Variants in KCNMA1 observed in about 807,000 individuals in gnomAD.
The protein encoded by KCNMA1 is potassium calcium-activated channel subfamily M alpha 1, also known as Calcium-activated potassium channel subunit alpha-1.
In KCNMA1, 29 loss-of-function variants were observed where a neutral mutation model predicts 140.0. That is an observed-to-expected ratio of 0.21 (90% CI 0.15 to 0.28). KCNMA1 has a LOEUF of 0.28. Ranked by LOEUF, KCNMA1 falls within the 10% of genes least tolerant of loss-of-function variation. KCNMA1 has a pLI of 1.00. For synonymous variants in KCNMA1, 612 were observed against 611.9 expected, an observed-to-expected ratio of 1.00 and a Z score of 0.00; for missense variants, 880 against 1,602.2, an observed-to-expected ratio of 0.55 and a Z score of 7.70.
chr10:77,418,847 C>A (rs1330975119), intron 1 of KCNMA1, among the ~76,000 whole-genome samples: 1 of 152,178 alleles, frequency 6.6e-6, no homozygotes, highest in East Asian at 1.9e-4. Flanking sequence ...AAGGCACACA[C>A]CTTTCTTTTA....
chr10:77,562,465 A>G (rs2066711612), intron 1 of KCNMA1, among the ~76,000 whole-genome samples: 1 of 152,230 alleles, frequency 6.6e-6, no homozygotes, highest in Admixed American at 6.5e-5. Context: ...ATACCTTAAT[A>G]ATATTGAACT....
intron 1 of KCNMA1, among the ~76,000 whole-genome samples, chr10:77,406,292 A>C (rs2096469067): frequency 8.2e-6 from 1 of 122,064 alleles, no homozygotes; most frequent in Admixed American, 8.2e-5. Context: ...TCGGGGGAAA[A>C]TCCAGCTCTG....
intron 1 of KCNMA1, among the ~76,000 whole-genome samples, chr10:77,511,942 G>A (rs780865813): frequency 1.3e-5 from 2 of 152,230 alleles, no homozygotes; most frequent in Non-Finnish European, 2.9e-5. Flanking sequence ...AGATTTTAGA[G>A]AATGGAACTT....
chr10:76,969,881 G>C (rs998660106), intron 20 of KCNMA1, 93 bp downstream of exon 20: 1 of 972,254 alleles, frequency 1.0e-6, no homozygotes, highest in African/African-American at 1.6e-5. Context: ...TGCTGGGGAG[G>C]GGAGACTCTG....
intron 2 of KCNMA1, among the ~76,000 whole-genome samples, chr10:77,281,902 G>T (rs1420784928): frequency 6.6e-6 from 1 of 152,192 alleles, no homozygotes; most frequent in Non-Finnish European, 1.5e-5. Context: ...CAGCTGCGGT[G>T]GTTGGGGAGC....
intron 1 of KCNMA1, among the ~76,000 whole-genome samples, chr10:77,527,182 T>C (rs935340878): frequency 1.3e-5 from 2 of 152,176 alleles, no homozygotes; most frequent in Non-Finnish European, 2.9e-5. Context: ...CCTGGCATAC[T>C]CCCAAATTTA....
chr10:77,004,659 A>T (rs931691232), intron 18 of KCNMA1, among the ~76,000 whole-genome samples: 81 of 152,322 alleles, frequency 5.3e-4, no homozygotes, highest in African/African-American at 1.9e-3. Flanking sequence ...GTGTAAAATT[A>T]TACTCTTAAG....
intron 22 of KCNMA1, among the ~76,000 whole-genome samples, chr10:76,945,262 AT>A (rs796227139): frequency 2.6e-5 from 4 of 152,312 alleles, no homozygotes; most frequent in African/African-American, 9.6e-5. Context: ...CGGGAGAGGA[AT>A]AATGCCAGGG....
chr10:77,362,983 T>C (rs2094100838), intron 2 of KCNMA1, among the ~76,000 whole-genome samples: 1 of 152,226 alleles, frequency 6.6e-6, no homozygotes, highest in African/African-American at 2.4e-5. Context: ...CTGGCTTAGC[T>C]TGCGCCGTCT....
chr10:77,634,474 A>C, intron 1 of KCNMA1: 1 of 985,436 alleles, frequency 1.0e-6, no homozygotes, highest in Non-Finnish European at 1.2e-6. Flanking sequence ...TTGATCAAAA[A>C]GGTTTGGTGC....
intron 2 of KCNMA1, among the ~76,000 whole-genome samples, chr10:77,294,268 C>T (rs1394044520): frequency 1.3e-5 from 2 of 152,200 alleles, no homozygotes; most frequent in Non-Finnish European, 2.9e-5. Context: ...AATGGGTGTA[C>T]TTATCATCCT....
intron 1 of KCNMA1, among the ~76,000 whole-genome samples, chr10:77,631,198 C>T (rs1472230489): frequency 6.6e-6 from 1 of 150,720 alleles, no homozygotes; most frequent in Non-Finnish European, 1.5e-5. Context: ...TCCCACTGAA[C>T]ATTCCCCAGG....
At chr10:77,255,783 C>T (rs1478952555) in intron 2 of KCNMA1, among the ~76,000 whole-genome samples, 1 of 151,790 alleles carries the variant, frequency 6.6e-6, no homozygotes, top group East Asian at 1.9e-4. Flanking sequence ...CATGGTGGCG[C>T]TCACCTGTAT....
intron 18 of KCNMA1, among the ~76,000 whole-genome samples, chr10:77,002,378 T>C (rs1432522216): frequency 1.3e-5 from 2 of 152,208 alleles, no homozygotes; most frequent in Non-Finnish European, 2.9e-5. Flanking sequence ...ATTTTCTGCT[T>C]AAAGCTGAGA....
intron 20 of KCNMA1, among the ~76,000 whole-genome samples, chr10:76,965,844 T>C (rs2073721542): frequency 6.6e-6 from 1 of 152,186 alleles, no homozygotes; most frequent in Non-Finnish European, 1.5e-5. Context: ...AGTAATATTA[T>C]TAGTTGAGCA....
chr10:77,061,756 T>C (rs922090242), intron 14 of KCNMA1, among the ~76,000 whole-genome samples: 5 of 152,228 alleles, frequency 3.3e-5, no homozygotes, highest in African/African-American at 1.2e-4. Context: ...GAAAACTAAA[T>C]GGTGTCCAAT....
chr10:77,637,199 G>T (rs2093846816), intron 1 of KCNMA1, 66 bp downstream of exon 1: 6 of 1,431,016 alleles, frequency 4.2e-6, no homozygotes, highest in Admixed American at 2.0e-5. Flanking sequence ...CGAGGAGGTG[G>T]GCTGCAGGGG....
intron 1 of KCNMA1, among the ~76,000 whole-genome samples, chr10:77,446,058 G>C (rs1201268183): frequency 6.6e-6 from 1 of 152,108 alleles, no homozygotes. Flanking sequence ...TCGGGAGGGA[G>C]CTGGCTGGAC....
At chr10:77,358,240 G>A (rs527341271) in intron 2 of KCNMA1, among the ~76,000 whole-genome samples, 2 of 152,204 alleles carry the variant, frequency 1.3e-5, no homozygotes, top group African/African-American at 4.8e-5. Flanking sequence ...AGAGCCTTAG[G>A]TGGGGCTACA....
Sources: allele counts gnomAD v4.1 joint callset (sites outside exome capture counted in the v4.1 genomes callset), GRCh38; gene constraint gnomAD v4.1.1; transcripts MANE v1.5; gene names NCBI Gene and HGNC (gene_info 2026-07-23, HGNC 2026-07-21).